Variants in ANTXR2 observed in about 807,000 individuals in gnomAD.
ANTXR2 encodes the protein anthrax toxin receptor 2.
ANTXR2 carries 44 observed loss-of-function variants against 73.7 expected under a neutral mutation model. That is an observed-to-expected ratio of 0.60 (90% CI 0.47 to 0.77). ANTXR2 has a LOEUF of 0.77. ANTXR2 is among the 30% of genes least tolerant of loss of function. The pLI is 0.00. For synonymous variants in ANTXR2, 217 were observed against 205.9 expected, an observed-to-expected ratio of 1.05 and a Z score of -0.46; for missense variants, 604 against 592.5, an observed-to-expected ratio of 1.02 and a Z score of -0.20.
chr4:79,964,710 GT>G (rs1729285476), intron 16 of ANTXR2: 1 of 152,270 alleles, frequency 6.6e-6, no homozygotes, highest in Non-Finnish European at 1.5e-5. Flanking sequence ...GACCAAAACG[GT>G]TTTGCCGCTC....
chr4:79,961,074 T>A (rs1287197506), intron 16 of ANTXR2, among the ~76,000 whole-genome samples: 3 of 152,098 alleles, frequency 2.0e-5, no homozygotes, highest in Non-Finnish European at 4.4e-5. Context: ...TGCATTCTAT[T>A]TAAGTAACAA....
At chr4:80,035,247 C>T (rs1201105657) in intron 8 of ANTXR2, among the ~76,000 whole-genome samples, 2 of 152,126 alleles carry the variant, frequency 1.3e-5, no homozygotes, top group East Asian at 1.9e-4. Context: ...AGATGCACTA[C>T]TTTCCTTAAA....
intron 7 of ANTXR2, among the ~76,000 whole-genome samples, chr4:80,039,226 G>C (rs1451844436): frequency 6.8e-6 from 1 of 147,804 alleles, no homozygotes; most frequent in African/African-American, 2.4e-5. Flanking sequence ...AAAATAGAGA[G>C]GAGGGAGAAG....
At chr4:80,055,080 G>A (rs1311142923) in intron 6 of ANTXR2, 70 bp downstream of exon 6, 2 of 1,391,252 alleles carry the variant, frequency 1.4e-6, no homozygotes, top group Non-Finnish European at 2.0e-6. Flanking sequence ...TCAGTGAAAA[G>A]AATTTGTTAA....
chr4:79,976,479 T>TA (rs1729642544), intron 16 of ANTXR2, among the ~76,000 whole-genome samples: 2 of 150,056 alleles, frequency 1.3e-5, no homozygotes, highest in African/African-American at 2.5e-5. Flanking sequence ...ACCCAGAAGT[T>TA]ACCACCACTT....
At chr4:80,006,744 A>G (rs1731321323) in intron 12 of ANTXR2, among the ~76,000 whole-genome samples, 1 of 152,140 alleles carries the variant, frequency 6.6e-6, no homozygotes, top group African/African-American at 2.4e-5. Flanking sequence ...TGACAGTCAA[A>G]ACCCATATTT....
At chr4:79,911,360 A>T (rs1026441083) in intron 16 of ANTXR2, among the ~76,000 whole-genome samples, 2 of 152,214 alleles carry the variant, frequency 1.3e-5, no homozygotes, top group Non-Finnish European at 2.9e-5. Context: ...TTTTTCTGAG[A>T]CTATTTCACT....
intron 16 of ANTXR2, among the ~76,000 whole-genome samples, chr4:79,925,578 C>T (rs1355794124): frequency 2.0e-5 from 3 of 152,024 alleles, no homozygotes; most frequent in African/African-American, 7.2e-5. Context: ...TCAGGACCTA[C>T]ATTTTCCACA....
At chr4:79,917,608 T>C (rs755228675) in intron 16 of ANTXR2, among the ~76,000 whole-genome samples, 1 of 152,132 alleles carries the variant, frequency 6.6e-6, no homozygotes, top group Non-Finnish European at 1.5e-5. Context: ...GCAAGAGAGA[T>C]AGAGATAACT....
intron 7 of ANTXR2, among the ~76,000 whole-genome samples, chr4:80,036,263 A>G (rs1482858351): frequency 6.6e-6 from 1 of 152,138 alleles, no homozygotes; most frequent in Non-Finnish European, 1.5e-5. Flanking sequence ...GATTAAAGTA[A>G]ATTCAGATAA....
intron 16 of ANTXR2, among the ~76,000 whole-genome samples, chr4:79,977,212 T>C (rs774245977): frequency 2.6e-5 from 4 of 152,236 alleles, no homozygotes; most frequent in African/African-American, 4.8e-5. Context: ...GCAGGGAACA[T>C]ATTTATATCT....
At chr4:79,907,524 G>GAGA in intron 16 of ANTXR2, 57 bp from the exon 17 acceptor site, 1 of 1,525,962 alleles carries the variant, frequency 6.6e-7, no homozygotes, top group Non-Finnish European at 9.1e-7. Flanking sequence ...AAAAAAGCAT[G>GAGA]AGAACATCTA....
chr4:80,049,051 T>C (rs896546382), intron 7 of ANTXR2, among the ~76,000 whole-genome samples: 1 of 151,754 alleles, frequency 6.6e-6, no homozygotes, highest in South Asian at 2.1e-4. Flanking sequence ...TCAATTCTTT[T>C]GGACAAGGGT....
At chr4:80,007,169 T>C (rs1170386603) in intron 12 of ANTXR2, among the ~76,000 whole-genome samples, 2 of 152,030 alleles carry the variant, frequency 1.3e-5, no homozygotes, top group Non-Finnish European at 2.9e-5. Flanking sequence ...CAAACTGAAG[T>C]ACAACTAATA....
intron 10 of ANTXR2, among the ~76,000 whole-genome samples, chr4:80,021,649 A>C (rs1732169205): frequency 6.6e-6 from 1 of 152,180 alleles, no homozygotes; most frequent in Non-Finnish European, 1.5e-5. Flanking sequence ...AGAAGATGTC[A>C]TTTTAAAACA....
chr4:79,972,686 C>T (rs1269060982), intron 16 of ANTXR2, among the ~76,000 whole-genome samples: 1 of 2,658 alleles, frequency 3.8e-4, no homozygotes, highest in African/African-American at 6.7e-4. Context: ...AACCAAACAC[C>T]GCATATTCTC....
At chr4:80,021,149 CA>C (rs35390197) in intron 10 of ANTXR2, among the ~76,000 whole-genome samples, 8,056 of 60,264 alleles carry the variant, frequency 0.13, 110 homozygotes, top group Middle Eastern at 0.26. Flanking sequence ...GACTCCATCT[CA>C]AAAAAAAAAA....
intron 12 of ANTXR2, among the ~76,000 whole-genome samples, chr4:79,998,593 C>T (rs965070319): frequency 1.3e-5 from 2 of 151,936 alleles, no homozygotes; most frequent in African/African-American, 2.4e-5. Flanking sequence ...TGAAAACATC[C>T]ATAATTTCTG....
At chr4:80,002,079 C>G (rs938712881) in intron 12 of ANTXR2, among the ~76,000 whole-genome samples, 1 of 151,946 alleles carries the variant, frequency 6.6e-6, no homozygotes, top group African/African-American at 2.4e-5. Flanking sequence ...CGTATGGAAC[C>G]AAAAAAGAGC....
Sources: gnomAD v4.1 joint callset for allele counts (sites outside exome capture counted in the v4.1 genomes callset) on GRCh38, gnomAD v4.1.1 for gene constraint, MANE v1.5 for transcripts, NCBI Gene and HGNC (gene_info 2026-07-23, HGNC 2026-07-21) for gene names.